ARHGEF17: variants seen among roughly 807,000 people sequenced by gnomAD.
ARHGEF17 encodes Rho guanine nucleotide exchange factor 17, also known as 164 kDa Rho-specific guanine-nucleotide exchange factor.
A neutral mutation model predicts 174.0 loss-of-function variants in ARHGEF17; 80 were observed. That is an observed-to-expected ratio of 0.46 (90% CI 0.38 to 0.55). The LOEUF (loss-of-function observed/expected upper bound fraction) is 0.55, where lower values mean the gene tolerates loss of function less well. Ranked by LOEUF, ARHGEF17 falls within the 20% of genes least tolerant of loss-of-function variation. ARHGEF17 has a pLI of 0.00. For missense variants in ARHGEF17, 2,886 were observed against 2,839.7 expected, an observed-to-expected ratio of 1.02 and a Z score of -0.37; for synonymous variants, 1,311 against 1,189.1, an observed-to-expected ratio of 1.10 and a Z score of -2.11.
chr11:73,360,004 C>G, intron 10 of ARHGEF17, 52 bp downstream of exon 10: 1 of 1,485,648 alleles, frequency 6.7e-7, no homozygotes, highest in Non-Finnish European at 9.1e-7. Context: ...AGGCTTCTGA[C>G]CCTGTCTGAG....
chr11:73,340,065 C>T (rs1388270696), intron 1 of ARHGEF17, among the ~76,000 whole-genome samples: 1 of 152,208 alleles, frequency 6.6e-6, no homozygotes, highest in Admixed American at 6.5e-5. Context: ...CGTGGCCCAC[C>T]TGGTGCCCTC....
Position 73,365,400 on chromosome 11 carries a change from A to ACGTGGGTCAGGATTCAAGCCGCTG in ARHGEF17, c.5567_5590dup (p.Gly1856_Val1863dup), listed in dbSNP as rs780175378. The stretch of plus-strand genomic sequence containing the variant: ...CCCCGCCTTCCCCAGCACATGTTTT[A>ACGTGGGTCAGGATTCAAGCCGCTG]CGTGGGTCAGGATTCAAGCCGCTGC... On this transcript the variant is annotated inframe_insertion, in exon 19 of 21. Transcript: ENST00000263674. The surrounding 1 kb of genome is among the most constrained non-coding windows in gnomAD (Gnocchi z 4.9). The ACGTGGGTCAGGATTCAAGCCGCTG allele has an allele frequency of 1.9e-6, 3 of 1,613,868 alleles. No individual in the cohort carries two copies. In the South Asian group the frequency reaches 3.3e-5, roughly 18 times the overall value.
In ARHGEF17 at chr11:73,363,728, T is replaced by A; in HGVS notation, c.5247-19T>A. On this transcript the variant is annotated intron_variant, in intron 15 of 20. Transcript: ENST00000263674. ...GTGTGCCCCAAGCATTTGTCCCAGGTGCATACCCCGATCCACAGTGTCCAC... is the reference window on the plus strand; with the variant it reads ...GTGTGCCCCAAGCATTTGTCCCAGGAGCATACCCCGATCCACAGTGTCCAC... The A allele has an allele frequency of 6.2e-7, 1 of 1,613,590 alleles. No homozygotes were observed. Among genetic ancestry groups the A allele is most frequent in the Non-Finnish European group, 8.5e-7 (1 of 1,179,826 alleles).
chr11:73,360,571 C>T lies in ARHGEF17; in HGVS notation c.4420+38C>T, dbSNP rs1865722071. ...ACATGTTGGCCCTCTCCTCCTAGAGCTTCCAGGCAGGAGGCCAGAGGCATC... is the reference window on the plus strand; with the variant it reads ...ACATGTTGGCCCTCTCCTCCTAGAGTTTCCAGGCAGGAGGCCAGAGGCATC... On this transcript the variant is annotated intron_variant, in intron 11 of 20. Transcript: ENST00000263674. 9 of 1,606,144 alleles carry T rather than the reference C, an allele frequency of 5.6e-6. No individual in the cohort carries two copies. In the East Asian group the frequency reaches 2.0e-4, roughly 36 times the overall value.
At chr11:73,354,907 G>A (rs772579905) in intron 3 of ARHGEF17, among the ~76,000 whole-genome samples, 2 of 152,244 alleles carry the variant, frequency 1.3e-5, no homozygotes, top group African/African-American at 4.8e-5. Context: ...TGTATGTCCT[G>A]CCCTGAGCTG....
In ARHGEF17 at chr11:73,365,651, C is replaced by T. The variant is rs764552678; in HGVS notation, c.5726-27C>T. The T allele has an allele frequency of 1.9e-6, 3 of 1,608,784 alleles. No homozygotes were observed. Among genetic ancestry groups the T allele is most frequent in the Middle Eastern group, 3.3e-4 (2 of 6,056 alleles). ...GCTGAGCCAGGGCCAGAATTCAGCCCCAGCTGTGGTCTGTCTCCCACCCCA... is the reference window on the plus strand; with the variant it reads ...GCTGAGCCAGGGCCAGAATTCAGCCTCAGCTGTGGTCTGTCTCCCACCCCA... On this transcript the variant is annotated intron_variant, in intron 19 of 20. Coordinates refer to ENST00000263674, the MANE Select transcript of ARHGEF17 (RefSeq NM_014786.4). This position sits in a 1 kb window ranked among gnomAD's most constrained non-coding sequence, Gnocchi z 4.9.
At chr11:73,347,099 A>T (rs760790433) in intron 2 of ARHGEF17, 139 bp downstream of exon 2, 8 of 852,264 alleles carry the variant, frequency 9.4e-6, no homozygotes, top group Non-Finnish European at 1.5e-5. Context: ...CCTTTCCATG[A>T]AGAACCCCCA....
rs2041014829 is a variant in ARHGEF17 at position 73,309,921 on chromosome 11, T to A, written c.1283T>A (p.Leu428Gln). ...SPSFGAGEGL[L>Q]RSQARTRAKG... Reference sequence around the variant, plus strand: ...AGCTTTGGAGCTGGGGAAGGGCTCCTGCGGTCCCAGGCTCGAACCCGTGCC... The same window carrying A: ...AGCTTTGGAGCTGGGGAAGGGCTCCAGCGGTCCCAGGCTCGAACCCGTGCC... The change falls in exon 1 of 21, where the codon CTG (leucine) becomes CAG (glutamine). Residue 428 changes from leucine (L) to glutamine (Q), a missense_variant. Around this residue, in one of 4 missense-constraint regions of ARHGEF17, gnomAD observed 1,728 missense variants for 1,461.2 expected, o/e 1.18. Transcript: ENST00000263674. 1 of 1,613,266 alleles carries A rather than the reference T, an allele frequency of 6.2e-7. No homozygotes were observed. The highest frequency in any genetic ancestry group is 1.3e-5 in the African/African-American group (1 of 74,892).
At position 73,308,735 on chromosome 11, in the gene ARHGEF17, A is replaced by G; in HGVS notation, c.97A>G (p.Thr33Ala). ...SGGPGLREED[T>A]DTPGLRRRAS... is the part of the protein sequence containing the mutation. Reference sequence around the variant, plus strand: ...CGGCCCCGGGCTGAGGGAGGAGGACACGGACACCCCCGGCTTGAGGCGACG... The same window carrying G: ...CGGCCCCGGGCTGAGGGAGGAGGACGCGGACACCCCCGGCTTGAGGCGACG... Residue 33 changes from threonine to alanine, a missense_variant, in exon 1 of 21, where the codon ACG becomes GCG. Physicochemically the swap from Thr to Ala is moderately conservative, Grantham distance 58 (BLOSUM62 0). Around this residue, in one of 4 missense-constraint regions of ARHGEF17, gnomAD observed 1,728 missense variants for 1,461.2 expected, o/e 1.18. Coordinates refer to ENST00000263674, the MANE Select transcript of ARHGEF17 (RefSeq NM_014786.4). 6.6e-7 allele frequency: 1 copy of G among 1,507,732 alleles called. No individual in the cohort carries two copies. The highest frequency in any genetic ancestry group is 8.8e-7 in the Non-Finnish European group (1 of 1,133,622). The allele number at this position is 1,507,732 out of a possible 1,614,324, so 93.4% of individuals were successfully genotyped here.
chr11:73,358,687 AT>A (rs1865687250), intron 9 of ARHGEF17, among the ~76,000 whole-genome samples: 2 of 149,900 alleles, frequency 1.3e-5, no homozygotes, highest in African/African-American at 2.5e-5. Flanking sequence ...GATGGTCTTG[AT>A]CTCCTGACCT....
At chr11:73,312,839 G>GC (rs1200185729) in intron 1 of ARHGEF17, among the ~76,000 whole-genome samples, 1 of 152,022 alleles carries the variant, frequency 6.6e-6, no homozygotes, top group East Asian at 1.9e-4. Flanking sequence ...CCAGCCCTGG[G>GC]GGCTCACTCT....
rs111594449 is a variant in ARHGEF17 at position 73,362,364 on chromosome 11, T to C, written c.4695-69T>C. The stretch of plus-strand genomic sequence containing the variant: ...GCCCGGCGAGTGTGGGCGGGGTCGG[T>C]GGGCGTGTCCACCACCGGGGCCCCG... On this transcript the variant is annotated intron_variant, in intron 13 of 20. Coordinates refer to ENST00000263674, the MANE Select transcript of ARHGEF17 (RefSeq NM_014786.4). 132 of 1,456,738 alleles carry C rather than the reference T, an allele frequency of 9.1e-5. No individual in the cohort carries two copies. In the African/African-American group the frequency reaches 1.5e-3, roughly 17 times the overall value. 90.2% of individuals were successfully genotyped at this position (1,456,738 alleles called of 1,614,324 possible).
rs193109477 is a variant in ARHGEF17, at chr11:73,354,453, C to T, written c.3454-1080C>T. ...GACTCTGGCCGGGCGCAGTGGTTCA[C>T]GCTTGTAATCCCAGCACTTTGGGAG... is the stretch of plus-strand genomic sequence containing the variant. On this transcript the variant is annotated intron_variant, in intron 3 of 20. Coordinates refer to ENST00000263674, the MANE Select transcript of ARHGEF17 (RefSeq NM_014786.4). Among the ~76,000 whole-genome samples the T allele has an allele frequency of 3.9e-5, 6 of 152,298 alleles. No homozygotes were observed. In the East Asian group the frequency reaches 5.8e-4, roughly 15 times the overall value.
rs1401546929 is a variant in ARHGEF17 at position 73,310,837 on chromosome 11, C to G, written c.2199C>G (p.Ser733=). ...SNGEAGEAYR[S]LSDPIPQRHR... is the part of the protein sequence containing the mutation. ...GGGAGGCAGGGGAGGCCTACAGGTC[C>G]CTGAGTGACCCAATTCCTCAGCGCC... is the stretch of plus-strand genomic sequence containing the variant. The change falls in exon 1 of 21, where the codon TCC becomes TCG. Residue 733 remains serine, a synonymous_variant. Coordinates refer to ENST00000263674, the MANE Select transcript of ARHGEF17 (RefSeq NM_014786.4). The G allele has an allele frequency of 3.1e-6, 5 of 1,611,944 alleles. No individual in the cohort carries two copies. The highest frequency in any genetic ancestry group is 4.2e-6 in the Non-Finnish European group (5 of 1,179,474).
chr11:73,362,397 CGT>C, intron 13 of ARHGEF17, 34 bp from the exon 14 acceptor site: 2 of 1,499,014 alleles, frequency 1.3e-6, no homozygotes, highest in Non-Finnish European at 1.8e-6. Flanking sequence ...CCGTCTGGCT[CGT>C]AGCTGCTGTC....
intron 1 of ARHGEF17, among the ~76,000 whole-genome samples, chr11:73,318,226 T>C (rs909394664): frequency 6.6e-6 from 1 of 151,956 alleles, no homozygotes; most frequent in Non-Finnish European, 1.5e-5. Context: ...CACCATCGCC[T>C]CCTGCTCTAG....
chr11:73,364,697 A>G, intron 18 of ARHGEF17, 97 bp downstream of exon 18: 1 of 1,469,828 alleles, frequency 6.8e-7, no homozygotes, highest in Non-Finnish European at 9.0e-7. Context: ...AGCAGCATCC[A>G]GCAGAGGGCT....
chr11:73,325,973 A>G (rs1203463745), intron 1 of ARHGEF17, among the ~76,000 whole-genome samples: 9 of 152,228 alleles, frequency 5.9e-5, no homozygotes, highest in Admixed American at 2.0e-4. Context: ...AGATGCTTCT[A>G]CCTTTTCTAA....
At chr11:73,324,142 C>T (rs1011365762) in intron 1 of ARHGEF17, among the ~76,000 whole-genome samples, 6 of 152,128 alleles carry the variant, frequency 3.9e-5, no homozygotes, top group African/African-American at 1.4e-4. Flanking sequence ...TGTCAGGAAC[C>T]GCCTCTGTCC....
Sources: allele counts gnomAD v4.1 joint callset (sites outside exome capture counted in the v4.1 genomes callset), GRCh38; gene constraint gnomAD v4.1.1; regional missense constraint gnomAD v4.1.1; non-coding constraint Gnocchi (gnomAD v3.1); transcripts MANE v1.5; gene names NCBI Gene and HGNC (gene_info 2026-07-23, HGNC 2026-07-21).